Variants in ERCC2 observed in about 807,000 individuals in gnomAD.
ERCC2 encodes the protein ERCC excision repair 2, TFIIH core complex helicase subunit.
A neutral mutation model predicts 99.4 loss-of-function variants in ERCC2; 90 were observed. The ratio of observed to expected loss-of-function variants is 0.91; its 90% CI spans 0.76 to 1.08. The LOEUF is 1.08. Among genes scored for constraint, ERCC2 ranks in the 50% least tolerant of loss-of-function variants. The probability of loss-of-function intolerance (pLI) is 0.00; values close to 1 mark genes in which losing one functional copy is unlikely to be tolerated. For synonymous variants in ERCC2, 497 were observed against 432.4 expected (o/e 1.15, Z -1.85); for missense variants, 993 against 1,038.1 (o/e 0.96, Z 0.60).
chr19:45,363,651 A>C (rs1441971829), intron 11 of ERCC2, 92 bp downstream of exon 11: 1 of 1,358,358 alleles, frequency 7.4e-7, no homozygotes, highest in African/African-American at 1.4e-5. Context: ...CTGATGCTGC[A>C]GTGGTGACCT....
At chr19:45,364,752 A>G (rs1208220693) in intron 7 of ERCC2, 86 bp downstream of exon 7, 5 of 1,283,532 alleles carry the variant, frequency 3.9e-6, no homozygotes, top group Non-Finnish European at 5.7e-6. Context: ...CACAGCAAGC[A>G]ACAGACAGAC....
At position 45,357,502 on chromosome 19, in the gene ERCC2, C is replaced by G. The variant is rs146632315; in HGVS notation, c.1349G>C (p.Arg450Pro). 4 of 1,614,124 alleles carry G rather than the reference C, an allele frequency of 2.5e-6. No homozygotes were observed. The highest frequency in any genetic ancestry group is 2.5e-6 in the Non-Finnish European group (3 of 1,179,986). The change falls in exon 14 of 23, where the codon CGT becomes CCT. Residue 450 changes from arginine to proline, a missense_variant. Coordinates refer to ENST00000391945, the MANE Select transcript of ERCC2 (RefSeq NM_000400.4). ...AGATGTGATGATGACAGACTGGAAA[C>G]GCTCAAATACGGGTTTGATGGCCAG... ...ASLAIKPVFERFQSVIITSGT... is the reference protein window; with the variant it reads ...ASLAIKPVFEPFQSVIITSGT...
intron 11 of ERCC2, among the ~76,000 whole-genome samples, chr19:45,362,169 C>G (rs1261016542): frequency 6.6e-6 from 1 of 152,162 alleles, no homozygotes; most frequent in African/African-American, 2.4e-5. Context: ...CGTGATCCAC[C>G]TGCCTCAGCC....
Position 45,364,204 on chromosome 19 carries a change from GGGCACCACCGCCAGACGTCCCC to G in ERCC2, c.815+9_815+30del. On this transcript the variant is annotated intron_variant, in intron 9 of 22. Transcript: ENST00000391945. ...GGGGCCAGGGTCCCAGGGGCAGGGCGGGCACCACCGCCAGACGTCCCCGGCCCCACCTGAGCACCGTCTTCTG... is the reference window on the plus strand; with the variant it reads ...GGGGCCAGGGTCCCAGGGGCAGGGCGGGCCCCACCTGAGCACCGTCTTCTG... 6.2e-7 allele frequency: 1 copy of G among 1,612,040 alleles called. No homozygotes were observed. Among genetic ancestry groups the G allele is most frequent in the African/African-American group, 1.3e-5 (1 of 75,038 alleles).
Position 45,364,559 on chromosome 19 carries a change from G to A in ERCC2, c.595-12C>T, listed in dbSNP as rs2123292839. ...TTGGCATGCAGGATCTGGGGGGCCG[G>A]GGAGCAGGGTTACCAGGGCCCTGCC... On this transcript the variant is annotated splice_polypyrimidine_tract_variant and intron_variant, in intron 7 of 22. Transcript: ENST00000391945. 1 of 1,612,024 alleles carries A rather than the reference G, an allele frequency of 6.2e-7. No homozygotes were observed. Among genetic ancestry groups the A allele is most frequent in the Non-Finnish European group, 8.5e-7 (1 of 1,179,958 alleles).
chr19:45,370,443 G>GC (rs1239465163), intron 1 of ERCC2, 93 bp downstream of exon 1: 2 of 934,764 alleles, frequency 2.1e-6, no homozygotes, highest in Admixed American at 4.0e-5. Context: ...CCCTCCCCTC[G>GC]CCCCCTTGGG....
In ERCC2 at chr19:45,351,562, G is replaced by GGAAC; in HGVS notation, c.*66_*67insGTTC. 1 of 1,609,094 alleles carries GGAAC rather than the reference G, an allele frequency of 6.2e-7. No individual in the cohort carries two copies. Among genetic ancestry groups the GGAAC allele is most frequent in the Non-Finnish European group, 8.5e-7 (1 of 1,179,392 alleles). On this transcript the variant is annotated 3_prime_UTR_variant, in exon 23 of 23. Transcript: ENST00000391945. ...CATAAGACCTTCTAGCACCACCGCC[G>GGAAC]CTGGGAACCAGGGCCAGGCAAGACT...
intron 17 of ERCC2, 21 bp from the exon 18 acceptor site, chr19:45,353,355 GTCAGGGTGGGT>G: frequency 6.3e-7 from 1 of 1,582,906 alleles, no homozygotes; most frequent in Non-Finnish European, 8.7e-7. Context: ...ACCCAGGGAG[GTCAGGGTGGGT>G]TCAGGGCACA....
intron 2 of ERCC2, among the ~76,000 whole-genome samples, chr19:45,369,821 G>A (rs957320050): frequency 1.3e-5 from 2 of 152,072 alleles, no homozygotes; most frequent in African/African-American, 4.8e-5. Context: ...GATTACAGGC[G>A]CCCGCCACCA....
intron 22 of ERCC2, 44 bp downstream of exon 22, chr19:45,352,165 A>T: frequency 6.2e-7 from 1 of 1,607,556 alleles, no homozygotes; most frequent in Non-Finnish European, 8.5e-7. Flanking sequence ...TCTGGAGGAG[A>T]AGCTCAGCCT....
intron 7 of ERCC2, 142 bp from the exon 8 acceptor site, chr19:45,364,689 A>C (rs1972362042): frequency 7.4e-7 from 1 of 1,350,822 alleles, no homozygotes; most frequent in South Asian, 1.2e-5. Flanking sequence ...ATGGATAGAG[A>C]CAGACCAACA....
At chr19:45,367,431 A>C (rs984514926) in intron 5 of ERCC2, among the ~76,000 whole-genome samples, 3 of 152,124 alleles carry the variant, frequency 2.0e-5, no homozygotes, top group Admixed American at 6.6e-5. Context: ...ACACATATAT[A>C]TGTAAGTATA....
rs772438575 is a variant in ERCC2, at chr19:45,350,876, C to T, written c.*753G>A. 79 of 1,320,632 alleles carry T rather than the reference C, an allele frequency of 6.0e-5. No individual in the cohort carries two copies. The highest frequency in any genetic ancestry group is 7.7e-5 in the Non-Finnish European group (75 of 979,052). The allele number at this position is 1,320,632 out of a possible 1,614,324, so 81.8% of individuals were successfully genotyped here. A position where few individuals can be genotyped will look rare whatever the true frequency, so the allele number is the denominator to read the frequency against. On this transcript the variant is annotated 3_prime_UTR_variant, in exon 23 of 23. Transcript: ENST00000391945. ...TCCCCTGTGATACACACAGATCAAA[C>T]CCTGTGCTGGAAAGGTCCCTCGTGG...
In ERCC2 at chr19:45,364,926, G is replaced by C. The variant is rs778982397; in HGVS notation, c.506C>G (p.Pro169Arg). 6.2e-7 allele frequency: 1 copy of C among 1,614,092 alleles called. No individual in the cohort carries two copies. The highest frequency in any genetic ancestry group is 1.1e-5 in the South Asian group (1 of 91,086). Residue 169 changes from proline (P) to arginine (R), a missense_variant, in exon 7 of 23, where the codon CCC (proline) becomes CGC (arginine). By Grantham distance (103) the Pro-to-Arg change is moderately radical. Transcript: ENST00000391945. ...CAGGTTGTAGATGCCAGCGGGGAGGGGCACCTCACGCCCATGGGCATCAAA... is the reference window on the plus strand; with the variant it reads ...CAGGTTGTAGATGCCAGCGGGGAGGCGCACCTCACGCCCATGGGCATCAAA... ...EEFDAHGREV[P>R]LPAGIYNLDD...
At chr19:45,369,930 C>T (rs1412133948) in intron 2 of ERCC2, among the ~76,000 whole-genome samples, 3 of 152,264 alleles carry the variant, frequency 2.0e-5, no homozygotes, top group Admixed American at 6.5e-5. Context: ...CCCGCCTCGT[C>T]CTCCCAAAGC....
rs761737358 is a variant in ERCC2 at position 45,364,557 on chromosome 19, C to T, written c.595-10G>A. 1.4e-5 allele frequency: 22 copies of T among 1,611,990 alleles called. No homozygotes were observed. The highest frequency in any genetic ancestry group is 1.7e-5 in the Non-Finnish European group (20 of 1,179,960). ...CATTGGCATGCAGGATCTGGGGGGCCGGGGAGCAGGGTTACCAGGGCCCTG... is the reference window on the plus strand; with the variant it reads ...CATTGGCATGCAGGATCTGGGGGGCTGGGGAGCAGGGTTACCAGGGCCCTG... On this transcript the variant is annotated splice_polypyrimidine_tract_variant and intron_variant, in intron 7 of 22. Transcript: ENST00000391945.
intron 17 of ERCC2, 32 bp downstream of exon 17, chr19:45,354,698 A>G: frequency 6.2e-7 from 1 of 1,612,762 alleles, no homozygotes; most frequent in Non-Finnish European, 8.5e-7. Flanking sequence ...GACTGAGGAG[A>G]GCAGGTGCAG....
chr19:45,355,950 C>G (rs1400056148), intron 15 of ERCC2, among the ~76,000 whole-genome samples: 4 of 152,270 alleles, frequency 2.6e-5, no homozygotes, highest in Admixed American at 2.6e-4. Flanking sequence ...CCACCACACC[C>G]AGTCTGCTCT....
chr19:45,351,218 G>GAGCTGGAGGGTGGATGT lies in ERCC2; in HGVS notation c.*394_*410dup. On this transcript the variant is annotated 3_prime_UTR_variant, in exon 23 of 23. Coordinates refer to ENST00000391945, the MANE Select transcript of ERCC2 (RefSeq NM_000400.4). ...ATAGTTGGCTGCCAGGCTGGACCTG[G>GAGCTGGAGGGTGGATGT]AGCTGGAGGGTGGATGTAACACTTG... 1 of 1,591,072 alleles carries GAGCTGGAGGGTGGATGT rather than the reference G, an allele frequency of 6.3e-7. No homozygotes were observed. Among genetic ancestry groups the GAGCTGGAGGGTGGATGT allele is most frequent in the Non-Finnish European group, 8.6e-7 (1 of 1,168,552 alleles).
Sources: gnomAD v4.1 joint callset for allele counts (sites outside exome capture counted in the v4.1 genomes callset) on GRCh38, gnomAD v4.1.1 for gene constraint, MANE v1.5 for transcripts, NCBI Gene and HGNC (gene_info 2026-07-23, HGNC 2026-07-21) for gene names.